PDE8B: variants seen among roughly 807,000 people sequenced by gnomAD.
PDE8B encodes the protein phosphodiesterase 8B, also known as high affinity cAMP-specific and IBMX-insensitive 3',5'-cyclic phosphodiesterase 8B.
PDE8B carries 26 observed loss-of-function variants against 101.3 expected under a neutral mutation model. The ratio of observed to expected loss-of-function variants is 0.26; its 90% CI spans 0.19 to 0.36. The LOEUF is 0.36. Among genes scored for constraint, PDE8B ranks in the 10% least tolerant of loss-of-function variants. PDE8B has a pLI of 1.00. For synonymous variants in PDE8B, 424 were observed against 429.3 expected (o/e 0.99, Z 0.15); for missense variants, 810 against 1,163.1 (o/e 0.70, Z 4.42).
chr5:77,362,528 T>C (rs1337080796), intron 10 of PDE8B, among the ~76,000 whole-genome samples: 1 of 152,238 alleles, frequency 6.6e-6, no homozygotes, highest in Admixed American at 6.5e-5. Flanking sequence ...TGTTCGGCTA[T>C]CTTTGCTTTT....
the PDE8B span, among the ~76,000 whole-genome samples, chr5:77,195,307 T>G: frequency 6.6e-6 from 1 of 152,200 alleles, no homozygotes. Flanking sequence ...TACCTGCCAT[T>G]AGGCCCCCCG....
intron 1 of PDE8B, chr5:77,291,270 T>C (rs1270400363): frequency 6.2e-7 from 1 of 1,612,896 alleles, no homozygotes. Flanking sequence ...TGGGAACCCA[T>C]GGGACCCTAA....
chr5:77,180,487 G>C, the PDE8B span: 1 of 985,408 alleles, frequency 1.0e-6, no homozygotes, highest in Non-Finnish European at 1.2e-6. Context: ...CGCGTGCCAG[G>C]TGAGCCCCCA....
At chr5:77,334,074 G>A (rs1328660083) in intron 5 of PDE8B, among the ~76,000 whole-genome samples, 1 of 152,228 alleles carries the variant, frequency 6.6e-6, no homozygotes, top group African/African-American at 2.4e-5. Context: ...TGATCTTCAT[G>A]TGGTGGTTCT....
At chr5:77,349,355 A>G in intron 7 of PDE8B, 64 bp from the exon 8 acceptor site, 1 of 1,603,144 alleles carries the variant, frequency 6.2e-7, no homozygotes, top group Admixed American at 1.7e-5. Flanking sequence ...TACGGGGCAC[A>G]CAGACATTTC....
intron 8 of PDE8B, 54 bp downstream of exon 8, chr5:77,349,613 T>C: frequency 6.3e-7 from 1 of 1,594,958 alleles, no homozygotes; most frequent in South Asian, 1.1e-5. Flanking sequence ...TGCACTTTTT[T>C]TTCTGAGTTT....
intron 1 of PDE8B, chr5:77,290,335 A>G: frequency 6.8e-7 from 1 of 1,479,882 alleles, no homozygotes; most frequent in East Asian, 2.3e-5. Flanking sequence ...CGAGAGGAAA[A>G]TGAGGGCGTG....
the PDE8B span, among the ~76,000 whole-genome samples, chr5:77,204,837 T>C: frequency 1.3e-5 from 2 of 152,242 alleles, no homozygotes; most frequent in African/African-American, 4.8e-5. Flanking sequence ...TTGACACTCA[T>C]GGATTGTACT....
intron 10 of PDE8B, among the ~76,000 whole-genome samples, chr5:77,378,814 C>CCAAGCATTTGGAT (rs1786878703): frequency 6.6e-6 from 1 of 152,152 alleles, no homozygotes; most frequent in African/African-American, 2.4e-5. Flanking sequence ...GGGGATGGGG[C>CCAAGCATTTGGAT]CTATCAGTTG....
the PDE8B span, among the ~76,000 whole-genome samples, chr5:77,184,159 T>C: frequency 6.6e-6 from 1 of 152,124 alleles, no homozygotes; most frequent in Non-Finnish European, 1.5e-5. Context: ...AGAGACAGAG[T>C]CTCACTGTGT....
At chr5:77,382,509 G>T (rs907154481) in intron 10 of PDE8B, among the ~76,000 whole-genome samples, 2 of 152,108 alleles carry the variant, frequency 1.3e-5, no homozygotes, top group African/African-American at 4.8e-5. Context: ...GTATACATGT[G>T]CCATGGTGGT....
At chr5:77,210,403 G>A (rs1209869294), upstream of PDE8B, 1 of 155,374 alleles carries the variant, frequency 6.4e-6, no homozygotes, top group African/African-American at 2.4e-5. The surrounding 1 kb of genome is among the most constrained non-coding windows in gnomAD (Gnocchi z 4.9). Flanking sequence ...GGGCCCGGGC[G>A]GCTGCGGCCG....
chr5:77,209,623 G>A (rs1747836686), upstream of PDE8B, among the ~76,000 whole-genome samples: 1 of 152,150 alleles, frequency 6.6e-6, no homozygotes, highest in Non-Finnish European at 1.5e-5. Flanking sequence ...TCCTTCTAAA[G>A]GCATTCTTCC....
the PDE8B span, among the ~76,000 whole-genome samples, chr5:77,203,339 GC>G: frequency 6.6e-6 from 1 of 152,192 alleles, no homozygotes; most frequent in South Asian, 2.1e-4. Flanking sequence ...TTCTCTCTGG[GC>G]TTGGATTAAT....
chr5:77,192,133 A>G, the PDE8B span, among the ~76,000 whole-genome samples: 1 of 152,188 alleles, frequency 6.6e-6, no homozygotes, highest in African/African-American at 2.4e-5. Context: ...ACCTCCTGCT[A>G]TGTGGCCCAG....
intron 1 of PDE8B, among the ~76,000 whole-genome samples, chr5:77,217,211 C>A (rs1470687395): frequency 2.0e-5 from 3 of 152,076 alleles, no homozygotes; most frequent in African/African-American, 7.2e-5. Flanking sequence ...GTCCTTCTCC[C>A]TATCCTGAAC....
chr5:77,368,794 A>C (rs1784564131), intron 10 of PDE8B, among the ~76,000 whole-genome samples: 1 of 152,240 alleles, frequency 6.6e-6, no homozygotes, highest in South Asian at 2.1e-4. Flanking sequence ...ACACAGAAGG[A>C]ATAAGACAGC....
At chr5:77,294,476 G>A (rs1768070499) in intron 1 of PDE8B, among the ~76,000 whole-genome samples, 1 of 152,128 alleles carries the variant, frequency 6.6e-6, no homozygotes, top group African/African-American at 2.4e-5. Flanking sequence ...AGAAAAGTAT[G>A]CCCACAAAGC....
chr5:77,130,516 T>C, the PDE8B span, among the ~76,000 whole-genome samples: 1 of 152,158 alleles, frequency 6.6e-6, no homozygotes, highest in African/African-American at 2.4e-5. Context: ...TTTCCCTTAT[T>C]ATTTATTTAA....
Sources: gnomAD v4.1 joint callset for allele counts (sites outside exome capture counted in the v4.1 genomes callset) on GRCh38, gnomAD v4.1.1 for gene constraint, Gnocchi (gnomAD v3.1) non-coding constraint, MANE v1.5 for transcripts, NCBI Gene and HGNC (gene_info 2026-07-23, HGNC 2026-07-21) for gene names.